NRXN3: variants seen among roughly 807,000 people sequenced by gnomAD.
NRXN3 encodes neurexin III.
Under a neutral mutation model 137.6 loss-of-function variants are expected in NRXN3, and 32 were observed. The ratio of observed to expected loss-of-function variants is 0.23; its 90% CI spans 0.18 to 0.31. The LOEUF (loss-of-function observed/expected upper bound fraction) is 0.31. NRXN3 is among the 10% of genes least tolerant of loss of function. NRXN3 has a pLI of 1.00. For synonymous variants in NRXN3, 798 were observed against 784.5 expected, an observed-to-expected ratio of 1.02 and a Z score of -0.29; for missense variants, 1,574 against 2,062.5, an observed-to-expected ratio of 0.76 and a Z score of 4.59.
Position 78,339,240 on chromosome 14 carries a change from G to A in NRXN3, c.757+41380G>A, listed in dbSNP as rs149669287. 3.2e-3 allele frequency among the ~76,000 whole-genome samples: 493 copies of A among 152,206 alleles called. 1 individual carries two copies. Among genetic ancestry groups the A allele is most frequent in the Middle Eastern group, 0.01 (3 of 294 alleles). ...TGCCAGGCCTTTTAAATATATTTTC[G>A]CATGGGAGCAGGCATTATTTTTTCA... On this transcript the variant is annotated intron_variant, in intron 4 of 20. Coordinates refer to ENST00000335750, the MANE Select transcript of NRXN3 (RefSeq NM_001330195.2).
At chr14:79,444,278 C>T (rs1019844835) in intron 15 of NRXN3, among the ~76,000 whole-genome samples, 2 of 152,142 alleles carry the variant, frequency 1.3e-5, no homozygotes, top group African/African-American at 2.4e-5. Context: ...AGAATGCCTT[C>T]CCAAAGAGTC....
chr14:78,353,222 C>CA (rs1399830877), intron 4 of NRXN3, among the ~76,000 whole-genome samples: 3 of 152,182 alleles, frequency 2.0e-5, no homozygotes, highest in African/African-American at 7.2e-5. Context: ...CTGGTTCCCA[C>CA]ACACGTTCAC....
chr14:78,882,767 C>T (rs778548138), intron 10 of NRXN3, among the ~76,000 whole-genome samples: 6 of 151,514 alleles, frequency 4.0e-5, no homozygotes, highest in Non-Finnish European at 8.8e-5. Flanking sequence ...ATTTGGGGGA[C>T]TGTTGAAAGG....
intron 15 of NRXN3, among the ~76,000 whole-genome samples, chr14:79,014,402 T>A (rs2099575848): frequency 6.6e-6 from 1 of 152,200 alleles, no homozygotes; most frequent in Admixed American, 6.5e-5. Context: ...CATAATAGCC[T>A]CTAACTCCAT....
In NRXN3 at chr14:78,751,828, A is replaced by G. The variant is rs1002101273; in HGVS notation, c.2044+36689A>G. Among the ~76,000 whole-genome samples, 66 of 152,134 alleles carry G rather than the reference A, an allele frequency of 4.3e-4. 1 individual carries two copies. The highest frequency in any genetic ancestry group is 1.3e-3 in the African/African-American group (54 of 41,434). ...CACCTGGGAGCTTGTTAGAAATGCAAAATCTGAGCCCCATCTCAGACCTAT... is the reference window on the plus strand; with the variant it reads ...CACCTGGGAGCTTGTTAGAAATGCAGAATCTGAGCCCCATCTCAGACCTAT... On this transcript the variant is annotated intron_variant, in intron 8 of 20. Coordinates refer to ENST00000335750, the MANE Select transcript of NRXN3 (RefSeq NM_001330195.2).
chr14:78,823,653 C>T (rs529915406), intron 10 of NRXN3, among the ~76,000 whole-genome samples: 1 of 152,120 alleles, frequency 6.6e-6, no homozygotes, highest in Non-Finnish European at 1.5e-5. Flanking sequence ...GGAAGCATAG[C>T]CTCTGGCAAA....
intron 4 of NRXN3, among the ~76,000 whole-genome samples, chr14:78,425,930 C>T (rs558444844): frequency 2.2e-4 from 34 of 152,274 alleles, no homozygotes; most frequent in African/African-American, 7.7e-4. Flanking sequence ...AAATACGCAC[C>T]ACGTGAGTGG....
At chr14:78,227,223 C>T (rs2064791831) in intron 1 of NRXN3, among the ~76,000 whole-genome samples, 2 of 152,106 alleles carry the variant, frequency 1.3e-5, no homozygotes, top group Admixed American at 1.3e-4. Context: ...TGATATATGA[C>T]AGAAATATGG....
At position 79,242,370 on chromosome 14, in the gene NRXN3, C is replaced by A. The variant is rs1020637955; in HGVS notation, c.3263-224851C>A. The stretch of plus-strand genomic sequence containing the variant: ...GGCAGAAAACAGGAGTCCTGGGCCA[C>A]TCAGCATGCATGCTGGCTCAAAGGA... On this transcript the variant is annotated intron_variant, in intron 15 of 20. Coordinates refer to ENST00000335750, the MANE Select transcript of NRXN3 (RefSeq NM_001330195.2). Among the ~76,000 whole-genome samples, 3 of 152,296 alleles carry A rather than the reference C, an allele frequency of 2.0e-5. No homozygotes were observed. The East Asian group carries it at 5.8e-4, about 29-fold the overall frequency.
At chr14:79,176,121 T>C (rs1348598470) in intron 15 of NRXN3, among the ~76,000 whole-genome samples, 1 of 152,244 alleles carries the variant, frequency 6.6e-6, no homozygotes, top group Non-Finnish European at 1.5e-5. Flanking sequence ...TACTCAGTAA[T>C]ATCCATTGAA....
intron 19 of NRXN3, among the ~76,000 whole-genome samples, chr14:79,717,224 A>C (rs1185975752): frequency 1.3e-5 from 2 of 152,184 alleles, no homozygotes; most frequent in African/African-American, 2.4e-5. Flanking sequence ...CTTCCTTAGA[A>C]GGGTGCCAGC....
intron 6 of NRXN3, among the ~76,000 whole-genome samples, chr14:78,662,502 C>T (rs150574952): frequency 9.2e-5 from 14 of 152,150 alleles, no homozygotes; most frequent in African/African-American, 3.4e-4. Flanking sequence ...CCAAAACTGC[C>T]TTCAAAGTAA....
At chr14:78,849,130 C>G (rs2099035768) in intron 10 of NRXN3, among the ~76,000 whole-genome samples, 1 of 152,054 alleles carries the variant, frequency 6.6e-6, no homozygotes, top group Non-Finnish European at 1.5e-5. Flanking sequence ...ACAGTATAGC[C>G]TCTGGACTTA....
rs1466904870 is a variant in NRXN3 at position 79,761,732 on chromosome 14, C to A, written c.4015-43380C>A. Among the ~76,000 whole-genome samples, 2 of 148,514 alleles carry A rather than the reference C, an allele frequency of 1.3e-5. 1 individual carries two copies. Among genetic ancestry groups the A allele is most frequent in the African/African-American group, 5.0e-5 (2 of 39,738 alleles). The stretch of plus-strand genomic sequence containing the variant: ...AAATAGATCTCACTAGAAGTATTCT[C>A]AATTCAGCAGTAGTGTCCAGTTTTG... On this transcript the variant is annotated intron_variant, in intron 19 of 20. Transcript: ENST00000335750.
chr14:79,099,665 T>C (rs1257980483), intron 15 of NRXN3, among the ~76,000 whole-genome samples: 1 of 152,204 alleles, frequency 6.6e-6, no homozygotes, highest in Admixed American at 6.5e-5. Flanking sequence ...CTAAGTCTTA[T>C]GAGACATGAG....
chr14:78,196,934 C>G (rs780047268), intron 1 of NRXN3, among the ~76,000 whole-genome samples: 1 of 152,166 alleles, frequency 6.6e-6, no homozygotes, highest in Non-Finnish European at 1.5e-5. Context: ...TAGGCTTCCT[C>G]CAGATGGAGA....
chr14:79,759,733 T>C (rs2099031977), intron 19 of NRXN3, among the ~76,000 whole-genome samples: 1 of 151,730 alleles, frequency 6.6e-6, no homozygotes, highest in Non-Finnish European at 1.5e-5. Flanking sequence ...ATCATAAGAA[T>C]AATATGGATT....
intron 16 of NRXN3, among the ~76,000 whole-genome samples, chr14:79,595,758 A>G (rs2097852734): frequency 6.6e-6 from 1 of 152,184 alleles, no homozygotes; most frequent in African/African-American, 2.4e-5. Flanking sequence ...GGCTACACAA[A>G]ATACATTATT....
At chr14:79,205,879 A>G (rs188671909) in intron 15 of NRXN3, among the ~76,000 whole-genome samples, 357 of 152,274 alleles carry the variant, frequency 2.3e-3, no homozygotes, top group Admixed American at 4.3e-3. Flanking sequence ...GGAACTTCAA[A>G]CACAGTGTTT....
Sources: gnomAD v4.1 joint callset for allele counts (sites outside exome capture counted in the v4.1 genomes callset) on GRCh38, gnomAD v4.1.1 for gene constraint, MANE v1.5 for transcripts, NCBI Gene and HGNC (gene_info 2026-07-23, HGNC 2026-07-21) for gene names.